ABLIM2: variants seen among roughly 807,000 people sequenced by gnomAD.
The protein encoded by ABLIM2 is actin binding LIM protein family member 2, also known as actin-binding LIM protein 2.
A neutral mutation model predicts 97.7 loss-of-function variants in ABLIM2; 53 were observed. The ratio of observed to expected loss-of-function variants is 0.54; its 90% CI spans 0.44 to 0.68. The LOEUF is 0.68. Ranked by LOEUF, ABLIM2 falls within the 30% of genes least tolerant of loss-of-function variation. The pLI, the probability that ABLIM2 is intolerant of heterozygous loss-of-function variation, is 0.00. For synonymous variants in ABLIM2, 361 were observed against 345.8 expected (o/e 1.04, Z -0.49); for missense variants, 835 against 867.2 (o/e 0.96, Z 0.47).
intron 20 of ABLIM2, among the ~76,000 whole-genome samples, chr4:7,980,600 A>G (rs535246137): frequency 6.6e-6 from 1 of 151,986 alleles, no homozygotes; most frequent in South Asian, 2.1e-4. Flanking sequence ...CTGTAGTCCC[A>G]GCTACTCAGG....
At chr4:8,117,779 T>A (rs2152841023) in intron 1 of ABLIM2, among the ~76,000 whole-genome samples, 1 of 152,230 alleles carries the variant, frequency 6.6e-6, no homozygotes, top group South Asian at 2.1e-4. Flanking sequence ...CTCCGCTTAC[T>A]CTAAATTCAA....
chr4:8,142,217 C>A (rs1467622243), intron 1 of ABLIM2, among the ~76,000 whole-genome samples: 1 of 152,202 alleles, frequency 6.6e-6, no homozygotes, highest in African/African-American at 2.4e-5. Context: ...CGAGCCCCTC[C>A]CAGAGTGTCT....
intron 14 of ABLIM2, chr4:8,010,374 C>T (rs1764141963): frequency 1.0e-6 from 1 of 985,704 alleles, no homozygotes. Context: ...TCTCCGTCCC[C>T]AGCCCGCCAC....
Position 7,999,522 on chromosome 4 carries a change from G to A in ABLIM2, c.1619-6595C>T, listed in dbSNP as rs1755645393. Reference sequence around the variant, plus strand: ...AACAGTTACTAACTAGAGAGGCTGAGATGAGGAGGGCTCCCTAGCTTCAGG... The same window carrying A: ...AACAGTTACTAACTAGAGAGGCTGAAATGAGGAGGGCTCCCTAGCTTCAGG... On this transcript the variant is annotated intron_variant, in intron 16 of 20. Coordinates refer to ENST00000447017, the MANE Select transcript of ABLIM2 (RefSeq NM_001130083.2). The surrounding 1 kb of genome is among the most constrained non-coding windows in gnomAD (Gnocchi z 4.4). Among the ~76,000 whole-genome samples, 1 of 152,262 alleles carries A rather than the reference G, an allele frequency of 6.6e-6. No individual in the cohort carries two copies. Among genetic ancestry groups the A allele is most frequent in the Non-Finnish European group, 1.5e-5 (1 of 68,048 alleles).
rs536969207 is a variant in ABLIM2 at position 8,150,700 on chromosome 4, C to G, written c.10+7980G>C. 5.8e-4 allele frequency among the ~76,000 whole-genome samples: 89 copies of G among 152,210 alleles called. No individual in the cohort carries two copies. Among genetic ancestry groups the G allele is most frequent in the Non-Finnish European group, 1.2e-3 (81 of 68,034 alleles). On this transcript the variant is annotated intron_variant, in intron 1 of 20. Coordinates refer to ENST00000447017, the MANE Select transcript of ABLIM2 (RefSeq NM_001130083.2). This position sits in a 1 kb window ranked among gnomAD's most constrained non-coding sequence, Gnocchi z 6.3. ...AAGCTTCGAGCTGAGACCGATGACT[C>G]AAGACACCACGCCTCCTGAGGATGC...
Position 8,080,792 on chromosome 4 carries a change from G to A in ABLIM2, c.465C>T (p.Gly155=), listed in dbSNP as rs1257688418. 4.4e-6 allele frequency: 7 copies of A among 1,607,656 alleles called. No homozygotes were observed. Among genetic ancestry groups the A allele is most frequent in the Non-Finnish European group, 6.0e-6 (7 of 1,176,202 alleles). The change falls in exon 5 of 21, where the codon GGC becomes GGT. Residue 155 remains glycine (G), a synonymous_variant. Coordinates refer to ENST00000447017, the MANE Select transcript of ABLIM2 (RefSeq NM_001130083.2). ...HLSQGLRSCG[G]CGTEIKNGQA... ...GGCCATTCTTGATTTCTGTGCCGCAGCCCCCACAACCTGGAAGAAAGAGAA... is the reference window on the plus strand; with the variant it reads ...GGCCATTCTTGATTTCTGTGCCGCAACCCCCACAACCTGGAAGAAAGAGAA...
intron 6 of ABLIM2, among the ~76,000 whole-genome samples, chr4:8,070,794 G>A (rs770173323): frequency 7.2e-5 from 11 of 152,166 alleles, no homozygotes; most frequent in Admixed American, 4.6e-4. Flanking sequence ...GAGGGGCAGA[G>A]GGAGGGAAGG....
intron 10 of ABLIM2, among the ~76,000 whole-genome samples, chr4:8,034,930 G>A (rs1232626935): frequency 1.7e-5 from 2 of 117,224 alleles, no homozygotes; most frequent in East Asian, 5.4e-4. Flanking sequence ...TGGTAGGTAG[G>A]TGGGTGCGGA....
At chr4:8,158,305 G>A (rs1561656644) in intron 1 of ABLIM2, among the ~76,000 whole-genome samples, 1 of 152,350 alleles carries the variant, frequency 6.6e-6, no homozygotes, top group East Asian at 1.9e-4. Flanking sequence ...GCGTGCCTAG[G>A]TCTGCTGGGG....
chr4:8,012,514 C>A (rs936596259), intron 14 of ABLIM2, among the ~76,000 whole-genome samples: 8 of 150,082 alleles, frequency 5.3e-5, no homozygotes, highest in African/African-American at 1.7e-4. Flanking sequence ...ATCTACCCAC[C>A]CACCCATCCA....
At position 8,120,801 on chromosome 4, in the gene ABLIM2, C is replaced by T. The variant is rs1261990070; in HGVS notation, c.11-14164G>A. On this transcript the variant is annotated intron_variant, in intron 1 of 20. Transcript: ENST00000447017. This position sits in a 1 kb window ranked among gnomAD's most constrained non-coding sequence, Gnocchi z 5.6. Reference sequence around the variant, plus strand: ...ACCTAGCGACCATCACAGCTCAGCCCAGCCTACCGGAAACATGCTCAGAAC... The same window carrying T: ...ACCTAGCGACCATCACAGCTCAGCCTAGCCTACCGGAAACATGCTCAGAAC... Among the ~76,000 whole-genome samples, 2 of 152,200 alleles carry T rather than the reference C, an allele frequency of 1.3e-5. No homozygotes were observed. Among genetic ancestry groups the T allele is most frequent in the Non-Finnish European group, 2.9e-5 (2 of 68,032 alleles).
chr4:7,966,938 G>T lies in ABLIM2; in HGVS notation c.*52C>A, dbSNP rs1723289930. ...GAGGGGTGTGTGCGGTTCTCGCCAG[G>T]GGCCCCTGGCCTCGGCGCCCGGCAC... On this transcript the variant is annotated 3_prime_UTR_variant, in exon 21 of 21. Coordinates refer to ENST00000447017, the MANE Select transcript of ABLIM2 (RefSeq NM_001130083.2). 7.2e-7 allele frequency: 1 copy of T among 1,384,776 alleles called. No homozygotes were observed. The highest frequency in any genetic ancestry group is 1.2e-5 in the South Asian group (1 of 86,408). The allele number at this position is 1,384,776 out of a possible 1,614,324, so 85.8% of individuals were successfully genotyped here. A position where few individuals can be genotyped will look rare whatever the true frequency, so the allele number is the denominator to read the frequency against.
Position 8,085,379 on chromosome 4 carries a change from C to A in ABLIM2, c.454+2790G>T, listed in dbSNP as rs985398135. ...ACGGCCTCCAGATGTACCGAGAACA[C>A]CACGGCGTGGCTTTGGAGGAAGCTG... On this transcript the variant is annotated intron_variant, in intron 4 of 20. Coordinates refer to ENST00000447017, the MANE Select transcript of ABLIM2 (RefSeq NM_001130083.2). The surrounding 1 kb of genome is among the most constrained non-coding windows in gnomAD (Gnocchi z 6.1). 7.2e-5 allele frequency among the ~76,000 whole-genome samples: 11 copies of A among 152,340 alleles called. No homozygotes were observed. The highest frequency in any genetic ancestry group is 4.6e-4 in the Admixed American group (7 of 15,310).
intron 3 of ABLIM2, among the ~76,000 whole-genome samples, chr4:8,092,616 T>C (rs186819237): frequency 6.6e-6 from 1 of 152,304 alleles, no homozygotes; most frequent in East Asian, 1.9e-4. Context: ...TGTAGCTATC[T>C]GCCTCATGGT....
At chr4:8,145,215 G>A (rs554320122) in intron 1 of ABLIM2, among the ~76,000 whole-genome samples, 46 of 150,222 alleles carry the variant, frequency 3.1e-4, no homozygotes, top group Admixed American at 1.2e-3. Context: ...ACAGAGTCTC[G>A]CTCTGTCGCC....
intron 14 of ABLIM2, among the ~76,000 whole-genome samples, chr4:8,012,661 A>G (rs1765838133): frequency 6.6e-6 from 1 of 151,448 alleles, no homozygotes; most frequent in Non-Finnish European, 1.5e-5. Flanking sequence ...CCATCCATCC[A>G]TCTATCCATC....
In ABLIM2 at chr4:8,127,556, C is replaced by T. The variant is rs972043500; in HGVS notation, c.11-20919G>A. ...CAGTTTGGGGATTTACCTGTGTCTC[C>T]CCCTGGCACCCCCATGGAGCGTGGC... On this transcript the variant is annotated intron_variant, in intron 1 of 20. Transcript: ENST00000447017. This position sits in a 1 kb window ranked among gnomAD's most constrained non-coding sequence, Gnocchi z 7.3. 8.5e-6 allele frequency: 11 copies of T among 1,289,630 alleles called. No homozygotes were observed. In the African/African-American group the frequency reaches 1.5e-4, roughly 18 times the overall value. The allele number at this position is 1,289,630 out of a possible 1,614,324, so 79.9% of individuals were successfully genotyped here.
intron 2 of ABLIM2, among the ~76,000 whole-genome samples, chr4:8,098,648 C>A (rs4464550): frequency 2.0e-5 from 3 of 152,164 alleles, no homozygotes; most frequent in South Asian, 4.1e-4. Context: ...CCGGAGCTGC[C>A]GGGATTCGAA....
At chr4:7,971,491 C>T (rs980480627) in intron 20 of ABLIM2, among the ~76,000 whole-genome samples, 1 of 152,188 alleles carries the variant, frequency 6.6e-6, no homozygotes, top group Admixed American at 6.5e-5. Flanking sequence ...GGCAGGGGGA[C>T]TGCCTCAGGA....
Sources: gnomAD v4.1 joint callset for allele counts (sites outside exome capture counted in the v4.1 genomes callset) on GRCh38, gnomAD v4.1.1 for gene constraint, Gnocchi (gnomAD v3.1) non-coding constraint, MANE v1.5 for transcripts, NCBI Gene and HGNC (gene_info 2026-07-23, HGNC 2026-07-21) for gene names.